TENM2: variants seen among roughly 807,000 people sequenced by gnomAD.
TENM2 encodes teneurin transmembrane protein 2.
TENM2 carries 52 observed loss-of-function variants against 245.2 expected under a neutral mutation model. The observed-to-expected ratio is 0.21, with a 90% CI of 0.17 to 0.27. The LOEUF (loss-of-function observed/expected upper bound fraction) is 0.27, where lower values mean the gene tolerates loss of function less well. TENM2 is among the 10% of genes least tolerant of loss of function. The pLI, the probability that TENM2 is intolerant of heterozygous loss-of-function variation, is 1.00. For missense variants in TENM2, 3,046 were observed against 3,666.8 expected (o/e 0.83, Z 4.37); for synonymous variants, 1,363 against 1,438.9 (o/e 0.95, Z 1.19).
chr5:167,247,583 T>C, the TENM2 span, among the ~76,000 whole-genome samples: 3 of 152,096 alleles, frequency 2.0e-5, no homozygotes, highest in African/African-American at 7.2e-5. Flanking sequence ...CATAGCAAAA[T>C]AAGATGAGGG....
At chr5:167,964,704 G>T (rs942093933) in intron 4 of TENM2, among the ~76,000 whole-genome samples, 3 of 152,146 alleles carry the variant, frequency 2.0e-5, no homozygotes, top group Admixed American at 1.3e-4. Flanking sequence ...ATGAGTAGGG[G>T]TTAATCAGGC....
At chr5:167,977,621 C>A (rs571297827) in intron 4 of TENM2, among the ~76,000 whole-genome samples, 5 of 152,248 alleles carry the variant, frequency 3.3e-5, no homozygotes, top group African/African-American at 7.2e-5. Context: ...TGCCACCTGG[C>A]TCCTTGGTGA....
At chr5:167,374,441 A>G (rs1760621577) in intron 1 of TENM2, among the ~76,000 whole-genome samples, 1 of 143,454 alleles carries the variant, frequency 7.0e-6, no homozygotes, top group South Asian at 2.8e-4. Flanking sequence ...TAAGCAATGC[A>G]TGATAGCATT....
the TENM2 span, among the ~76,000 whole-genome samples, chr5:167,112,507 T>G: frequency 6.6e-6 from 1 of 152,196 alleles, no homozygotes; most frequent in East Asian, 1.9e-4. Flanking sequence ...GTCTTGAGAA[T>G]AAGTTGAAAT....
chr5:167,792,039 A>G (rs1270536440), intron 2 of TENM2, among the ~76,000 whole-genome samples: 1 of 152,160 alleles, frequency 6.6e-6, no homozygotes, highest in Non-Finnish European at 1.5e-5. Context: ...TGTGGTAAAG[A>G]GGAGAGTAAA....
intron 2 of TENM2, among the ~76,000 whole-genome samples, chr5:167,414,037 G>C (rs1763042289): frequency 6.6e-6 from 1 of 152,108 alleles, no homozygotes; most frequent in Admixed American, 6.6e-5. Flanking sequence ...AACATGGTTT[G>C]AATCACATTT....
chr5:168,192,452 A>G (rs75170776), intron 14 of TENM2, among the ~76,000 whole-genome samples: 5,571 of 152,272 alleles, frequency 0.037, 118 homozygotes, highest in African/African-American at 0.063. Context: ...ATTTCTCCTT[A>G]TAAAACCTCC....
chr5:168,171,631 C>T (rs930789925), intron 13 of TENM2, among the ~76,000 whole-genome samples: 1 of 152,146 alleles, frequency 6.6e-6, no homozygotes, highest in Admixed American at 6.5e-5. Context: ...ACAGCACTTT[C>T]AGTCTTTTTT....
the TENM2 span, among the ~76,000 whole-genome samples, chr5:167,240,040 C>T: frequency 6.6e-6 from 1 of 152,240 alleles, no homozygotes; most frequent in African/African-American, 2.4e-5. Context: ...TCCCAAAGTG[C>T]TGGGATTACT....
chr5:167,249,365 A>G, the TENM2 span, among the ~76,000 whole-genome samples: 1 of 152,160 alleles, frequency 6.6e-6, no homozygotes, highest in Non-Finnish European at 1.5e-5. Flanking sequence ...CCATTTAGCT[A>G]ATGAACATTG....
At chr5:167,381,520 A>G (rs1311671609) in intron 2 of TENM2, among the ~76,000 whole-genome samples, 1 of 152,140 alleles carries the variant, frequency 6.6e-6, no homozygotes, top group African/African-American at 2.4e-5. Context: ...AAAGTAAGAG[A>G]TTTTATATTA....
chr5:167,157,366 C>T, the TENM2 span, among the ~76,000 whole-genome samples: 1 of 152,096 alleles, frequency 6.6e-6, no homozygotes, highest in Non-Finnish European at 1.5e-5. Context: ...TTCCTTCTGG[C>T]CAGGTAATAA....
the TENM2 span, among the ~76,000 whole-genome samples, chr5:166,990,001 A>G: frequency 6.6e-6 from 1 of 152,060 alleles, no homozygotes. Flanking sequence ...ATTCACCTGG[A>G]ATGGGCTGAT....
At chr5:167,647,148 G>A (rs1780018630) in intron 2 of TENM2, among the ~76,000 whole-genome samples, 1 of 152,152 alleles carries the variant, frequency 6.6e-6, no homozygotes, top group African/African-American at 2.4e-5. Flanking sequence ...AGACATTACG[G>A]TAGAAGTAGA....
At chr5:168,089,457 G>C (rs1046255157) in intron 7 of TENM2, among the ~76,000 whole-genome samples, 4 of 152,064 alleles carry the variant, frequency 2.6e-5, no homozygotes, top group African/African-American at 9.7e-5. Context: ...CTATTATTTA[G>C]AACAGGCCTC....
chr5:168,158,825 GTGTGTA>G (rs376077975), intron 12 of TENM2, among the ~76,000 whole-genome samples: 18 of 84,020 alleles, frequency 2.1e-4, no homozygotes, highest in East Asian at 2.0e-3. Flanking sequence ...GTGTGTGTGT[GTGTGTA>G]TATATATATA....
chr5:167,526,670 T>G (rs1771147753), intron 2 of TENM2, among the ~76,000 whole-genome samples: 1 of 152,144 alleles, frequency 6.6e-6, no homozygotes, highest in African/African-American at 2.4e-5. Context: ...TAAGAAAAAT[T>G]TCTCTGGATC....
chr5:167,200,180 C>T, the TENM2 span, among the ~76,000 whole-genome samples: 1 of 152,014 alleles, frequency 6.6e-6, no homozygotes, highest in Non-Finnish European at 1.5e-5. Flanking sequence ...TGTGAATTCT[C>T]CAAAGACAAA....
intron 25 of TENM2, among the ~76,000 whole-genome samples, chr5:168,231,591 A>G (rs1764911604): frequency 1.3e-5 from 2 of 152,142 alleles, no homozygotes; most frequent in African/African-American, 2.4e-5. Flanking sequence ...ATGTGCTGGG[A>G]TGTGTGGCAT....
Sources: allele counts gnomAD v4.1 joint callset (sites outside exome capture counted in the v4.1 genomes callset), GRCh38; gene constraint gnomAD v4.1.1; transcripts MANE v1.5; gene names NCBI Gene and HGNC (gene_info 2026-07-23, HGNC 2026-07-21).